NAV3: variants seen among roughly 807,000 people sequenced by gnomAD.
NAV3 encodes the protein neuron navigator 3, also known as pore membrane and/or filament interacting like protein 1.
In NAV3, 87 loss-of-function variants were observed where a neutral mutation model predicts 244.7. That is an observed-to-expected ratio of 0.36 (90% CI 0.30 to 0.42). NAV3 has a LOEUF of 0.42. Among genes scored for constraint, NAV3 ranks in the 20% least tolerant of loss-of-function variants. NAV3 has a pLI of 1.00. For missense variants in NAV3, 2,663 were observed against 2,893.3 expected (o/e 0.92, Z 1.83); for synonymous variants, 1,126 against 1,042.2 (o/e 1.08, Z -1.55).
At chr12:77,712,628 TG>T (rs979239023) in intron 2 of NAV3, among the ~76,000 whole-genome samples, 5 of 152,192 alleles carry the variant, frequency 3.3e-5, no homozygotes, top group African/African-American at 1.2e-4. Context: ...TCTCTTGTTT[TG>T]CCTGTTGGAT....
chr12:77,706,891 A>T, intron 2 of NAV3, among the ~76,000 whole-genome samples: 1 of 142,048 alleles, frequency 7.0e-6, no homozygotes, highest in Non-Finnish European at 1.5e-5. Context: ...AAAAAAAAAA[A>T]AACCAAAAAA....
At chr12:77,759,965 C>T (rs1384021599) in intron 2 of NAV3, among the ~76,000 whole-genome samples, 2 of 152,062 alleles carry the variant, frequency 1.3e-5, no homozygotes, top group Admixed American at 1.3e-4. Flanking sequence ...ATTAAAGTAG[C>T]CTCTTTGTAT....
intron 2 of NAV3, among the ~76,000 whole-genome samples, chr12:77,599,850 G>A (rs1055185547): frequency 6.6e-6 from 1 of 151,838 alleles, no homozygotes; most frequent in Non-Finnish European, 1.5e-5. Context: ...CAGTTTATGG[G>A]AAGTCAAACA....
At chr12:78,165,114 A>C (rs887463094) in intron 23 of NAV3, among the ~76,000 whole-genome samples, 5 of 152,088 alleles carry the variant, frequency 3.3e-5, no homozygotes, top group African/African-American at 7.2e-5. Flanking sequence ...CTTCTTTAAC[A>C]TGAGAAACTT....
chr12:77,663,027 A>G (rs1055299838), intron 2 of NAV3, among the ~76,000 whole-genome samples: 24 of 152,214 alleles, frequency 1.6e-4, no homozygotes, highest in African/African-American at 5.3e-4. Context: ...TTTGTAATTT[A>G]CAACAATAAT....
At chr12:77,688,385 A>G (rs972863094) in intron 2 of NAV3, among the ~76,000 whole-genome samples, 1 of 151,950 alleles carries the variant, frequency 6.6e-6, no homozygotes, top group East Asian at 1.9e-4. Flanking sequence ...TAATATTTTG[A>G]TTACTTTTTT....
At chr12:78,112,644 C>T (rs1955158259) in intron 12 of NAV3, among the ~76,000 whole-genome samples, 1 of 152,084 alleles carries the variant, frequency 6.6e-6, no homozygotes, top group Admixed American at 6.6e-5. Flanking sequence ...CAATTACTTC[C>T]CACCAGGTCC....
chr12:77,590,559 G>T (rs752135374), intron 2 of NAV3, among the ~76,000 whole-genome samples: 58 of 152,032 alleles, frequency 3.8e-4, no homozygotes, highest in Non-Finnish European at 3.7e-4. Context: ...ATAACTAACG[G>T]GTACTAGGCT....
At chr12:77,581,878 A>G (rs1025277246) in intron 2 of NAV3, among the ~76,000 whole-genome samples, 1 of 152,184 alleles carries the variant, frequency 6.6e-6, no homozygotes, top group Admixed American at 6.5e-5. Context: ...CTACCATGTT[A>G]ACTGCATTAC....
chr12:77,659,853 C>T (rs571058683), intron 2 of NAV3, among the ~76,000 whole-genome samples: 27 of 151,502 alleles, frequency 1.8e-4, no homozygotes, highest in Non-Finnish European at 2.8e-4. Context: ...AGTAAACTAT[C>T]GCAAGGACAA....
rs1466161882 is a variant in NAV3 at position 78,162,878 on chromosome 12, A to AT, written c.4869+3593dup. Among the ~76,000 whole-genome samples, 595 of 139,312 alleles carry AT rather than the reference A, an allele frequency of 4.3e-3. 3 individuals carry two copies. The highest frequency in any genetic ancestry group is 6.6e-3 in the Non-Finnish European group (428 of 64,646). The allele number at this position is 139,312 out of a possible 152,430, so 91.4% of individuals were successfully genotyped here. On this transcript the variant is annotated intron_variant, in intron 23 of 39. Transcript: ENST00000397909. ...CTCTGTCTCAAAAAAAAATATATATATATAATATATATAATATATATATAA... is the reference window on the plus strand; with the variant it reads ...CTCTGTCTCAAAAAAAAATATATATATTATAATATATATAATATATATATAA...
At chr12:77,776,443 A>G (rs569702186) in intron 2 of NAV3, among the ~76,000 whole-genome samples, 1 of 152,328 alleles carries the variant, frequency 6.6e-6, no homozygotes, top group Non-Finnish European at 1.5e-5. Flanking sequence ...AAACACATAA[A>G]GGCATAAGCA....
chr12:77,889,605 T>C (rs1389038183), intron 1 of NAV3, among the ~76,000 whole-genome samples: 1 of 152,214 alleles, frequency 6.6e-6, no homozygotes, highest in African/African-American at 2.4e-5. Flanking sequence ...TATACTGAAC[T>C]CTATAAGTTG....
chr12:77,884,273 T>G (rs1436027074), intron 1 of NAV3, among the ~76,000 whole-genome samples: 1 of 152,066 alleles, frequency 6.6e-6, no homozygotes, highest in Non-Finnish European at 1.5e-5. Context: ...AGATGATGAT[T>G]GATTGATTGA....
chr12:77,661,722 C>T (rs1381523052), intron 2 of NAV3, among the ~76,000 whole-genome samples: 9 of 151,998 alleles, frequency 5.9e-5, no homozygotes, highest in African/African-American at 1.9e-4. Context: ...TTTTTTGGTA[C>T]ATGGTGTGAG....
At chr12:77,626,338 T>C (rs1871621241) in intron 2 of NAV3, among the ~76,000 whole-genome samples, 1 of 152,088 alleles carries the variant, frequency 6.6e-6, no homozygotes, top group Admixed American at 6.5e-5. Flanking sequence ...ACCAATTATA[T>C]GAATTTTGGG....
chr12:77,860,245 C>T (rs1419088971), intron 1 of NAV3, among the ~76,000 whole-genome samples: 1 of 151,250 alleles, frequency 6.6e-6, no homozygotes, highest in African/African-American at 2.4e-5. Context: ...GAAAGGACAA[C>T]TAAGAAACTT....
At chr12:77,626,951 T>C (rs1176014657) in intron 2 of NAV3, among the ~76,000 whole-genome samples, 1 of 152,006 alleles carries the variant, frequency 6.6e-6, no homozygotes, top group Admixed American at 6.6e-5. Flanking sequence ...TACCAAATGG[T>C]AAAGCCAAAC....
At chr12:77,597,497 A>G (rs1449194715) in intron 2 of NAV3, among the ~76,000 whole-genome samples, 1 of 152,106 alleles carries the variant, frequency 6.6e-6, no homozygotes, top group Non-Finnish European at 1.5e-5. Context: ...TATCAATTGA[A>G]TAAGATTTTT....
Sources: gnomAD v4.1 joint callset for allele counts (sites outside exome capture counted in the v4.1 genomes callset) on GRCh38, gnomAD v4.1.1 for gene constraint, MANE v1.5 for transcripts, NCBI Gene and HGNC (gene_info 2026-07-23, HGNC 2026-07-21) for gene names.